NRG3: variants seen among roughly 807,000 people sequenced by gnomAD.
NRG3 encodes the protein neuregulin 3.
Under a neutral mutation model 66.9 loss-of-function variants are expected in NRG3, and 31 were observed. The ratio of observed to expected loss-of-function variants is 0.46; its 90% confidence interval spans 0.35 to 0.63. NRG3 has a LOEUF of 0.63. Among genes scored for constraint, NRG3 ranks in the 20% least tolerant of loss-of-function variants. NRG3 has a pLI of 0.00. For missense variants in NRG3, 910 were observed against 878.9 expected, an observed-to-expected ratio of 1.04 and a Z score of -0.45; for synonymous variants, 393 against 359.4, an observed-to-expected ratio of 1.09 and a Z score of -1.06.
chr10:82,927,432 A>G (rs954598339), intron 4 of NRG3, among the ~76,000 whole-genome samples: 2 of 152,084 alleles, frequency 1.3e-5, no homozygotes, highest in African/African-American at 2.4e-5. Context: ...TACACGGGCT[A>G]TGGTGGTTTG....
intron 1 of NRG3, among the ~76,000 whole-genome samples, chr10:82,195,598 A>G (rs565310489): frequency 1.6e-4 from 25 of 152,160 alleles, no homozygotes; most frequent in Admixed American, 2.6e-4. Flanking sequence ...GTGGGAGGAT[A>G]ATATCACCTG....
chr10:82,922,718 C>A (rs1388460189), intron 4 of NRG3, among the ~76,000 whole-genome samples: 1 of 152,114 alleles, frequency 6.6e-6, no homozygotes, highest in Non-Finnish European at 1.5e-5. Context: ...GAAAGGTCTC[C>A]ATAGTGAGAG....
At chr10:82,404,099 C>A (rs1350725580) in intron 2 of NRG3, among the ~76,000 whole-genome samples, 2 of 152,254 alleles carry the variant, frequency 1.3e-5, no homozygotes, top group East Asian at 3.9e-4. Context: ...TGCTTTCTGA[C>A]ATTTTAGGTT....
intron 3 of NRG3, among the ~76,000 whole-genome samples, chr10:82,831,113 C>T (rs2062497779): frequency 6.6e-6 from 1 of 152,126 alleles, no homozygotes; most frequent in African/African-American, 2.4e-5. Context: ...GCTAACGTTG[C>T]TCTAAGACTT....
intron 3 of NRG3, among the ~76,000 whole-genome samples, chr10:82,798,063 T>C (rs1265411825): frequency 6.6e-6 from 1 of 152,184 alleles, no homozygotes; most frequent in Non-Finnish European, 1.5e-5. Context: ...TTTTCAATAC[T>C]CTTTTGTATA....
chr10:82,433,213 C>G (rs2089935957), intron 2 of NRG3, among the ~76,000 whole-genome samples: 1 of 152,088 alleles, frequency 6.6e-6, no homozygotes, highest in African/African-American at 2.4e-5. Context: ...CCCTGATGAT[C>G]AGTGATATTG....
At chr10:82,472,833 A>G (rs1841400239) in intron 2 of NRG3, among the ~76,000 whole-genome samples, 1 of 152,110 alleles carries the variant, frequency 6.6e-6, no homozygotes, top group South Asian at 2.1e-4. Context: ...GATTTTTCTT[A>G]TTCTTGAAAA....
intron 1 of NRG3, among the ~76,000 whole-genome samples, chr10:81,987,067 A>G (rs1564714541): frequency 7.0e-6 from 1 of 143,822 alleles, no homozygotes; most frequent in East Asian, 2.3e-4. Flanking sequence ...TAGATGCCAT[A>G]GTGTGTGTGT....
chr10:82,267,817 T>C (rs1245904627), intron 1 of NRG3, among the ~76,000 whole-genome samples: 1 of 152,164 alleles, frequency 6.6e-6, no homozygotes, highest in Non-Finnish European at 1.5e-5. Flanking sequence ...GGAAAGAAGG[T>C]GAATTCTCTC....
At chr10:82,507,773 A>G (rs1363303825) in intron 2 of NRG3, among the ~76,000 whole-genome samples, 2 of 152,222 alleles carry the variant, frequency 1.3e-5, no homozygotes, top group Admixed American at 6.5e-5. Flanking sequence ...TGTGCAGAAA[A>G]TAGCCCCTAA....
chr10:82,423,304 T>C (rs1323533173), intron 2 of NRG3, among the ~76,000 whole-genome samples: 2 of 152,006 alleles, frequency 1.3e-5, no homozygotes. Context: ...CATGTTAGCT[T>C]AAAATGATTT....
intron 1 of NRG3, among the ~76,000 whole-genome samples, chr10:82,159,878 T>C (rs1037040666): frequency 6.6e-6 from 1 of 151,938 alleles, no homozygotes; most frequent in Non-Finnish European, 1.5e-5. Context: ...TATAAAGCTA[T>C]GTGTGGATGC....
chr10:82,771,221 T>A (rs2059701220), intron 3 of NRG3, among the ~76,000 whole-genome samples: 1 of 152,122 alleles, frequency 6.6e-6, no homozygotes, highest in Non-Finnish European at 1.5e-5. Context: ...TTAGAAATAA[T>A]ATGAGATAAA....
At chr10:82,601,910 A>G (rs2047661124) in intron 2 of NRG3, among the ~76,000 whole-genome samples, 1 of 147,262 alleles carries the variant, frequency 6.8e-6, no homozygotes, top group Admixed American at 6.8e-5. Context: ...ATAACTATAT[A>G]TATATAAAAC....
chr10:82,414,038 T>G (rs946736009), intron 2 of NRG3, among the ~76,000 whole-genome samples: 1 of 152,154 alleles, frequency 6.6e-6, no homozygotes, highest in South Asian at 2.1e-4. Context: ...GAGTAGCACT[T>G]TTAATTTTCC....
chr10:82,286,171 T>G (rs2079407072), intron 1 of NRG3, among the ~76,000 whole-genome samples: 1 of 152,168 alleles, frequency 6.6e-6, no homozygotes, highest in South Asian at 2.1e-4. Flanking sequence ...TAAGAAATTG[T>G]GCTAAAAACT....
Position 82,801,005 on chromosome 10 carries a change from G to A in NRG3, c.1027+62355G>A, listed in dbSNP as rs117145564. On this transcript the variant is annotated intron_variant, in intron 3 of 8. Transcript: ENST00000372141. ...GAATTGAATTCTTCTTTATCAAAGG[G>A]CAAAGGCAAGGTTATGAAAGTAAAT... Among the ~76,000 whole-genome samples the A allele has an allele frequency of 1.3e-3, 202 of 152,276 alleles. 3 individuals carry two copies. The East Asian group carries it at 0.03, about 23-fold the overall frequency.
In NRG3 at chr10:81,904,147, T is replaced by A. The variant is rs1589408781; in HGVS notation, c.823+27984T>A. Reference sequence around the variant, plus strand: ...GTCTCAGCCTCCCTAGTAGCTGGGATTACAGGCATGCAACACCATGCCTGG... The same window carrying A: ...GTCTCAGCCTCCCTAGTAGCTGGGAATACAGGCATGCAACACCATGCCTGG... On this transcript the variant is annotated intron_variant, in intron 1 of 8. Transcript: ENST00000372141. Among the ~76,000 whole-genome samples the A allele has an allele frequency of 4.6e-5, 7 of 151,988 alleles. No individual in the cohort carries two copies. The South Asian group carries it at 1.5e-3, about 32-fold the overall frequency.
chr10:82,499,293 G>T, intron 2 of NRG3, among the ~76,000 whole-genome samples: 1 of 152,090 alleles, frequency 6.6e-6, no homozygotes, highest in East Asian at 1.9e-4. Context: ...ACTTTCAAAG[G>T]GGAAATTGAG....
Sources: allele counts gnomAD v4.1 joint callset (sites outside exome capture counted in the v4.1 genomes callset), GRCh38; gene constraint gnomAD v4.1.1; transcripts MANE v1.5; gene names NCBI Gene and HGNC (gene_info 2026-07-23, HGNC 2026-07-21).